The following KLHL20 variants were observed in gnomAD, a reference collection of about 807,000 sequenced individuals.
The protein encoded by KLHL20 is kelch like family member 20.
Under a neutral mutation model 69.5 loss-of-function variants are expected in KLHL20, and 29 were observed. The ratio of observed to expected loss-of-function variants is 0.42; its 90% CI spans 0.31 to 0.57. The LOEUF is 0.57. Ranked by LOEUF, KLHL20 falls within the 20% of genes least tolerant of loss-of-function variation. The pLI is 0.18. For synonymous variants in KLHL20, 253 were observed against 265.2 expected (o/e 0.95, Z 0.45); for missense variants, 419 against 776.0 (o/e 0.54, Z 5.47).
chr1:173,765,011 G>A (rs1311104050), intron 7 of KLHL20, among the ~76,000 whole-genome samples: 1 of 152,022 alleles, frequency 6.6e-6, no homozygotes, highest in Non-Finnish European at 1.5e-5. Flanking sequence ...GTACCCAGGG[G>A]CAAATTTACA....
At chr1:173,726,385 A>G (rs1232179572) in intron 2 of KLHL20, among the ~76,000 whole-genome samples, 1 of 151,894 alleles carries the variant, frequency 6.6e-6, no homozygotes, top group Non-Finnish European at 1.5e-5. Flanking sequence ...CCTGTCTGAC[A>G]GCTTTGAAGA....
intron 11 of KLHL20, 105 bp from the exon 12 acceptor site, chr1:173,785,053 GTAATA>G (rs1649119087): frequency 1.3e-6 from 1 of 791,262 alleles, no homozygotes; most frequent in Non-Finnish European, 2.0e-6. Context: ...AATATTAGTT[GTAATA>G]TAAAACATAG....
intron 7 of KLHL20, among the ~76,000 whole-genome samples, chr1:173,760,320 C>T (rs1390029815): frequency 1.3e-5 from 2 of 152,090 alleles, no homozygotes; most frequent in African/African-American, 4.8e-5. Context: ...AGGAAAATAT[C>T]CCCAGCCTTG....
At position 173,718,545 on chromosome 1, in the gene KLHL20, C is replaced by CA. The variant is rs1043098445; in HGVS notation, c.23+2495dup. Among the ~76,000 whole-genome samples, 321 of 101,464 alleles carry CA rather than the reference C, an allele frequency of 3.2e-3. 2 individuals are homozygous for CA. The highest frequency in any genetic ancestry group is 0.014 in the East Asian group (49 of 3,596). 66.6% of individuals were successfully genotyped at this position (101,464 alleles called of 152,430 possible). A position where few individuals can be genotyped will look rare whatever the true frequency, so the allele number is the denominator to read the frequency against. ...TGGGCAACAGAGCAAGACAGTGTCT[C>CA]AAAAAAAAAAAAAAAAGACACAAAT... On this transcript the variant is annotated intron_variant, in intron 2 of 11. Coordinates refer to ENST00000209884, the MANE Select transcript of KLHL20 (RefSeq NM_014458.4).
intron 7 of KLHL20, among the ~76,000 whole-genome samples, chr1:173,757,994 G>A (rs1885679): frequency 0.061 from 9,291 of 152,174 alleles, 1,005 homozygotes; most frequent in African/African-American, 0.21. Flanking sequence ...AAACGCTGCC[G>A]CATATCAAGT....
chr1:173,738,929 A>T (rs563442560), intron 3 of KLHL20, among the ~76,000 whole-genome samples: 4 of 152,238 alleles, frequency 2.6e-5, no homozygotes, highest in African/African-American at 9.6e-5. Context: ...ATCTATGTTC[A>T]TCAGGGATAC....
intron 2 of KLHL20, among the ~76,000 whole-genome samples, chr1:173,721,747 G>A (rs1376190361): frequency 2.6e-5 from 4 of 152,176 alleles, no homozygotes; most frequent in Non-Finnish European, 5.9e-5. Flanking sequence ...GTGGAATCAG[G>A]TGTGGAATAT....
chr1:173,726,032 C>T (rs1283501543), intron 2 of KLHL20, among the ~76,000 whole-genome samples: 5 of 152,112 alleles, frequency 3.3e-5, no homozygotes, highest in African/African-American at 1.2e-4. Context: ...CCTGGAAAAT[C>T]GGGTCACTCC....
intron 3 of KLHL20, among the ~76,000 whole-genome samples, chr1:173,745,174 T>C (rs1371157141): frequency 2.9e-5 from 4 of 137,574 alleles, no homozygotes; most frequent in East Asian, 3.9e-4. Context: ...TTTTTTCTTT[T>C]TTTTTTTTTT....
At chr1:173,729,745 A>G (rs1409924131) in intron 2 of KLHL20, among the ~76,000 whole-genome samples, 1 of 152,154 alleles carries the variant, frequency 6.6e-6, no homozygotes, top group Non-Finnish European at 1.5e-5. Context: ...ATCTATGACA[A>G]ACCCACAGCC....
intron 11 of KLHL20, among the ~76,000 whole-genome samples, chr1:173,783,631 A>G (rs965564949): frequency 2.0e-5 from 3 of 151,946 alleles, no homozygotes; most frequent in Non-Finnish European, 4.4e-5. Flanking sequence ...ACTTTGGGAG[A>G]CCAAGGTGGG....
chr1:173,779,495 C>T (rs867043237), intron 10 of KLHL20, among the ~76,000 whole-genome samples: 17 of 151,982 alleles, frequency 1.1e-4, no homozygotes, highest in Middle Eastern at 3.4e-3. Context: ...GGAGTACAGG[C>T]GCGTGCCACC....
At chr1:173,740,345 C>T (rs566903205) in intron 3 of KLHL20, among the ~76,000 whole-genome samples, 15 of 151,536 alleles carry the variant, frequency 9.9e-5, no homozygotes, top group East Asian at 5.9e-4. Context: ...CTCCTGACCT[C>T]GTGATCCACC....
intron 3 of KLHL20, among the ~76,000 whole-genome samples, chr1:173,744,805 T>A (rs1672979778): frequency 6.6e-6 from 1 of 152,224 alleles, no homozygotes; most frequent in African/African-American, 2.4e-5. Context: ...TATACCAGTA[T>A]GATACTGTTT....
intron 10 of KLHL20, among the ~76,000 whole-genome samples, chr1:173,780,932 T>C (rs1648829176): frequency 6.6e-6 from 1 of 151,282 alleles, no homozygotes; most frequent in South Asian, 2.1e-4. Context: ...GGTTTCACTA[T>C]GGTGATCTGT....
chr1:173,768,771 T>C (rs189096525), intron 8 of KLHL20, among the ~76,000 whole-genome samples: 22 of 152,276 alleles, frequency 1.4e-4, no homozygotes, highest in Admixed American at 8.5e-4. Context: ...AATTTAAAAA[T>C]CAGAACCTGT....
intron 3 of KLHL20, among the ~76,000 whole-genome samples, chr1:173,739,639 T>C (rs1298278863): frequency 7.3e-6 from 1 of 137,924 alleles, no homozygotes. Context: ...TCGGTTGTAA[T>C]ATCTCCCTTT....
At chr1:173,740,794 G>A (rs1040892338) in intron 3 of KLHL20, among the ~76,000 whole-genome samples, 4 of 151,490 alleles carry the variant, frequency 2.6e-5, no homozygotes, top group Non-Finnish European at 5.9e-5. Flanking sequence ...TTTGGCTTCC[G>A]TGTCGTATCT....
chr1:173,725,953 C>T (rs1190207199), intron 2 of KLHL20, among the ~76,000 whole-genome samples: 1 of 152,186 alleles, frequency 6.6e-6, no homozygotes, highest in African/African-American at 2.4e-5. Flanking sequence ...CGAGGCATCA[C>T]CTCACCCAGG....
Sources: allele counts gnomAD v4.1 joint callset (sites outside exome capture counted in the v4.1 genomes callset), GRCh38; gene constraint gnomAD v4.1.1; transcripts MANE v1.5; gene names NCBI Gene and HGNC (gene_info 2026-07-23, HGNC 2026-07-21).